AGPAT5: variants seen among roughly 807,000 people sequenced by gnomAD.
The protein encoded by AGPAT5 is 1-acyl-sn-glycerol-3-phosphate acyltransferase epsilon.
Under a neutral mutation model 45.6 loss-of-function variants are expected in AGPAT5, and 46 were observed. The ratio of observed to expected loss-of-function variants is 1.01; its 90% CI spans 0.80 to 1.29. The LOEUF is 1.29. AGPAT5 is among the 50% of genes most tolerant of loss of function. The probability of loss-of-function intolerance (pLI) is 0.00; values close to 1 mark genes in which losing one functional copy is unlikely to be tolerated. For missense variants in AGPAT5, 673 were observed against 450.7 expected, an observed-to-expected ratio of 1.49 and a Z score of -4.47; for synonymous variants, 272 against 167.0, an observed-to-expected ratio of 1.63 and a Z score of -4.85.
Position 6,724,935 on chromosome 8 carries a change from C to T in AGPAT5, c.285C>T (p.Ser95=). Residue 95 remains serine, a synonymous_variant, in exon 2 of 8, where the codon AGC becomes AGT. Coordinates refer to ENST00000285518, the MANE Select transcript of AGPAT5 (RefSeq NM_018361.5). Reference sequence around the variant, plus strand: ...TAATATATTTAGCAAATCATCAAAGCACAGGTTTGTATTTCATTTGCATGA... The same window carrying T: ...TAATATATTTAGCAAATCATCAAAGTACAGGTTTGTATTTCATTTGCATGA... ...ENIIYLANHQ[S]TVDWIVADIL... 3.5e-6 allele frequency: 4 copies of T among 1,151,996 alleles called. No individual in the cohort carries two copies. The highest frequency in any genetic ancestry group is 4.6e-6 in the Non-Finnish European group (4 of 874,592). 71.4% of individuals were successfully genotyped at this position (1,151,996 alleles called of 1,614,324 possible).
At position 6,758,097 on chromosome 8, in the gene AGPAT5, A is replaced by G. The variant is rs1039861430; in HGVS notation, c.*709A>G. ...TTTAAAATTGTGACTCTGATTCATT[A>G]TAGCAGAACTTTAAATTTCCCAGCT... On this transcript the variant is annotated 3_prime_UTR_variant, in exon 8 of 8. Transcript: ENST00000285518. 4.6e-5 allele frequency: 7 copies of G among 152,264 alleles called. No homozygotes were observed. Among genetic ancestry groups the G allele is most frequent in the African/African-American group, 1.7e-4 (7 of 41,470 alleles). 9.4% of individuals were successfully genotyped at this position (152,264 alleles called of 1,614,324 possible).
intron 1 of AGPAT5, among the ~76,000 whole-genome samples, chr8:6,713,591 T>C (rs952790954): frequency 6.6e-6 from 1 of 152,234 alleles, no homozygotes; most frequent in African/African-American, 2.4e-5. Context: ...TCTCACACTG[T>C]TGCCCAAACC....
At chr8:6,723,140 G>A (rs1057212990) in intron 1 of AGPAT5, among the ~76,000 whole-genome samples, 8 of 152,114 alleles carry the variant, frequency 5.3e-5, no homozygotes, top group African/African-American at 1.2e-4. Context: ...TGAAAATGAG[G>A]TATAGCTTTG....
chr8:6,718,594 C>T (rs181945650), intron 1 of AGPAT5, among the ~76,000 whole-genome samples: 2 of 152,284 alleles, frequency 1.3e-5, no homozygotes, highest in Admixed American at 1.3e-4. Flanking sequence ...TTTTACTGGG[C>T]AAGACTATGT....
intron 5 of AGPAT5, among the ~76,000 whole-genome samples, chr8:6,746,905 A>G (rs970293009): frequency 4.6e-5 from 7 of 152,340 alleles, no homozygotes; most frequent in African/African-American, 1.7e-4. Flanking sequence ...AGAAGAACAA[A>G]TCCTTAACCC....
intron 1 of AGPAT5, among the ~76,000 whole-genome samples, chr8:6,721,159 G>A (rs532447621): frequency 4.3e-4 from 65 of 152,280 alleles, no homozygotes; most frequent in African/African-American, 1.3e-3. Flanking sequence ...TCAATGAAAC[G>A]TTTTAAACGG....
In AGPAT5 at chr8:6,758,159, TTGTC is replaced by T. The variant is rs1466996540; in HGVS notation, c.*775_*778del. 1 of 152,452 alleles carries T rather than the reference TTGTC, an allele frequency of 6.6e-6. No individual in the cohort carries two copies. The highest frequency in any genetic ancestry group is 1.5e-5 in the Non-Finnish European group (1 of 68,048). 9.4% of individuals were successfully genotyped at this position (152,452 alleles called of 1,614,324 possible). A position where few individuals can be genotyped will look rare whatever the true frequency, so the allele number is the denominator to read the frequency against. ...TAAGCTACACTATTAGTACTTCCCT[TTGTC>T]TGTGCCATAAGTGCTTGAAAACGTT... is the stretch of plus-strand genomic sequence containing the variant. On this transcript the variant is annotated 3_prime_UTR_variant, in exon 8 of 8. Transcript: ENST00000285518.
chr8:6,728,116 T>C (rs1191501681), intron 2 of AGPAT5, among the ~76,000 whole-genome samples: 3 of 152,186 alleles, frequency 2.0e-5, no homozygotes, highest in Admixed American at 6.5e-5. Context: ...TTCATGAGGA[T>C]AGGGATGAGG....
chr8:6,728,632 TA>T (rs1361590399), intron 2 of AGPAT5, among the ~76,000 whole-genome samples: 2 of 151,924 alleles, frequency 1.3e-5, no homozygotes, highest in African/African-American at 2.4e-5. Flanking sequence ...TTCTTCCAAA[TA>T]AAAAAATTAT....
At chr8:6,749,923 G>A (rs548616637) in intron 6 of AGPAT5, among the ~76,000 whole-genome samples, 4 of 152,320 alleles carry the variant, frequency 2.6e-5, no homozygotes, top group Admixed American at 6.5e-5. Flanking sequence ...CGTTCCAGCC[G>A]TGATCTCTGC....
chr8:6,735,590 C>A (rs1159550893), intron 4 of AGPAT5, among the ~76,000 whole-genome samples: 1 of 152,188 alleles, frequency 6.6e-6, no homozygotes, highest in Non-Finnish European at 1.5e-5. Flanking sequence ...TTTGAGTTTT[C>A]CATGTTTCCT....
intron 4 of AGPAT5, among the ~76,000 whole-genome samples, chr8:6,740,087 G>A (rs1197172876): frequency 2.0e-5 from 3 of 152,226 alleles, no homozygotes; most frequent in African/African-American, 7.2e-5. Context: ...ATAAGAAATA[G>A]TTTCTGAATT....
intron 2 of AGPAT5, among the ~76,000 whole-genome samples, chr8:6,729,955 C>G (rs1018579666): frequency 3.3e-5 from 5 of 152,116 alleles, no homozygotes; most frequent in East Asian, 1.9e-4. Context: ...CTGTCCTAAC[C>G]TAGTACCGAG....
chr8:6,709,487 G>T (rs1278943380), intron 1 of AGPAT5: 1 of 152,054 alleles, frequency 6.6e-6, no homozygotes, highest in African/African-American at 2.4e-5. Flanking sequence ...GTAGAGATTG[G>T]ATTCGTAGAT....
intron 5 of AGPAT5, among the ~76,000 whole-genome samples, chr8:6,743,992 A>G (rs1437029619): frequency 2.6e-5 from 4 of 152,182 alleles, no homozygotes; most frequent in Admixed American, 1.3e-4. Context: ...GGAATAAGCT[A>G]CAAAGCAATT....
chr8:6,718,829 AAG>A (rs1432001817), intron 1 of AGPAT5, among the ~76,000 whole-genome samples: 1 of 152,230 alleles, frequency 6.6e-6, no homozygotes, highest in Non-Finnish European at 1.5e-5. Context: ...AATTTTGAAA[AAG>A]AAATTGTAAA....
At chr8:6,726,275 A>G (rs1002980054) in intron 2 of AGPAT5, among the ~76,000 whole-genome samples, 2 of 152,244 alleles carry the variant, frequency 1.3e-5, no homozygotes, top group Admixed American at 6.5e-5. Context: ...AATATCAAAC[A>G]AAAGGGATCT....
At chr8:6,709,068 C>G (rs1157689408) in intron 1 of AGPAT5, 181 bp downstream of exon 1, 8 of 709,282 alleles carry the variant, frequency 1.1e-5, no homozygotes, top group East Asian at 8.2e-5. Flanking sequence ...CGAGATCGCT[C>G]TCTAGGAAGC....
At chr8:6,720,054 G>A (rs1180883833) in intron 1 of AGPAT5, among the ~76,000 whole-genome samples, 2 of 152,126 alleles carry the variant, frequency 1.3e-5, no homozygotes, top group Non-Finnish European at 2.9e-5. Context: ...AGACATTCTG[G>A]GGAACTCATG....
Sources: allele counts gnomAD v4.1 joint callset (sites outside exome capture counted in the v4.1 genomes callset), GRCh38; gene constraint gnomAD v4.1.1; transcripts MANE v1.5; gene names NCBI Gene and HGNC (gene_info 2026-07-23, HGNC 2026-07-21).